MLLT3: variants seen among roughly 807,000 people sequenced by gnomAD.
MLLT3 encodes the protein MLLT3 super elongation complex subunit, also known as protein AF-9.
A neutral mutation model predicts 53.2 loss-of-function variants in MLLT3; 4 were observed. The ratio of observed to expected loss-of-function variants is 0.08; its 90% confidence interval spans 0.04 to 0.17. MLLT3 has a LOEUF of 0.17. Ranked by LOEUF, MLLT3 falls within the 10% of genes least tolerant of loss-of-function variation. The probability of loss-of-function intolerance (pLI) is 1.00; values close to 1 mark genes in which losing one functional copy is unlikely to be tolerated. For missense variants in MLLT3, 569 were observed against 684.0 expected (o/e 0.83, Z 1.87); for synonymous variants, 283 against 230.6 (o/e 1.23, Z -2.06).
chr9:20,448,083 T>G lies in MLLT3; in HGVS notation c.420+40A>C. The G allele has an allele frequency of 1.3e-6, 2 of 1,577,624 alleles. No individual in the cohort carries two copies. The highest frequency in any genetic ancestry group is 1.7e-6 in the Non-Finnish European group (2 of 1,166,324). ...TTGTTTTTTTTTTTGTTGTTGTTGT[T>G]TTTTAATAGGAATGCTTTTCACAAG... On this transcript the variant is annotated intron_variant, in intron 4 of 10. Transcript: ENST00000380338. The surrounding 1 kb of genome is among the most constrained non-coding windows in gnomAD (Gnocchi z 4.0).
intron 2 of MLLT3, among the ~76,000 whole-genome samples, chr9:20,507,150 C>G (rs1292113731): frequency 6.6e-6 from 1 of 152,166 alleles, no homozygotes; most frequent in African/African-American, 2.4e-5. Context: ...CTTAAAACAT[C>G]ACTTTAGCAG....
chr9:20,618,655 G>A (rs1820901071), intron 2 of MLLT3, among the ~76,000 whole-genome samples: 1 of 152,214 alleles, frequency 6.6e-6, no homozygotes, highest in Admixed American at 6.5e-5. Flanking sequence ...AGAGACCTCT[G>A]AGAAGTCATC....
intron 2 of MLLT3, among the ~76,000 whole-genome samples, chr9:20,562,792 A>G (rs528961277): frequency 1.3e-5 from 2 of 152,324 alleles, no homozygotes; most frequent in South Asian, 2.1e-4. Context: ...TGGTAAGACC[A>G]GAAAAATGAA....
chr9:20,494,400 AT>A (rs1285496019), intron 2 of MLLT3, among the ~76,000 whole-genome samples: 1 of 152,154 alleles, frequency 6.6e-6, no homozygotes, highest in African/African-American at 2.4e-5. Flanking sequence ...TTAATCATCA[AT>A]TTCACTATAA....
At chr9:20,583,529 A>C (rs1819862703) in intron 2 of MLLT3, among the ~76,000 whole-genome samples, 1 of 152,178 alleles carries the variant, frequency 6.6e-6, no homozygotes, top group Non-Finnish European at 1.5e-5. Context: ...CCACCCCTGC[A>C]GCAAATTTTT....
chr9:20,571,345 T>C (rs542574656), intron 2 of MLLT3, among the ~76,000 whole-genome samples: 3 of 152,252 alleles, frequency 2.0e-5, no homozygotes, highest in South Asian at 2.1e-4. Context: ...GACCTATTAA[T>C]AGGAGAAAAT....
chr9:20,496,665 C>T (rs993125708), intron 2 of MLLT3, among the ~76,000 whole-genome samples: 2 of 152,098 alleles, frequency 1.3e-5, no homozygotes, highest in African/African-American at 2.4e-5. Context: ...TAGGATCTTC[C>T]AGTATGGTTC....
intron 4 of MLLT3, among the ~76,000 whole-genome samples, chr9:20,446,519 A>G (rs191100342): frequency 6.6e-6 from 1 of 152,306 alleles, no homozygotes; most frequent in Admixed American, 6.5e-5. Flanking sequence ...TTCTTGTGTC[A>G]TATTTACGTT....
At chr9:20,515,803 T>C (rs1005074950) in intron 2 of MLLT3, among the ~76,000 whole-genome samples, 5 of 152,180 alleles carry the variant, frequency 3.3e-5, no homozygotes, top group Admixed American at 1.3e-4. Flanking sequence ...GATCTCCCCA[T>C]TGACCTTATC....
intron 8 of MLLT3, 44 bp downstream of exon 8, chr9:20,360,698 C>A (rs1215225916): frequency 6.8e-7 from 1 of 1,465,576 alleles, no homozygotes; most frequent in Admixed American, 1.7e-5. Context: ...AATGATTACA[C>A]CTAGCTCTGC....
chr9:20,595,041 T>C (rs1820222102), intron 2 of MLLT3, among the ~76,000 whole-genome samples: 1 of 151,952 alleles, frequency 6.6e-6, no homozygotes, highest in Non-Finnish European at 1.5e-5. Flanking sequence ...TAAACTTACT[T>C]TCACTTAAAA....
intron 2 of MLLT3, among the ~76,000 whole-genome samples, chr9:20,534,161 T>C (rs748594024): frequency 1.1e-4 from 17 of 152,228 alleles, no homozygotes; most frequent in Non-Finnish European, 2.1e-4. Context: ...AATAGGGATA[T>C]TTCGAAAGAG....
Position 20,346,440 on chromosome 9 carries a change from T to A in MLLT3, c.*3A>T, listed in dbSNP as rs753248593. 6.2e-7 allele frequency: 1 copy of A among 1,601,752 alleles called. No individual in the cohort carries two copies. The highest frequency in any genetic ancestry group is 1.1e-5 in the South Asian group (1 of 89,140). On this transcript the variant is annotated 3_prime_UTR_variant, in exon 11 of 11. Coordinates refer to ENST00000380338, the MANE Select transcript of MLLT3 (RefSeq NM_004529.4). ...GTTCTTGATGCATCCAGTTGTTATA[T>A]CCTCAGGATGTTCCAGATGTTTCCA...
At chr9:20,486,025 T>C (rs917634251) in intron 2 of MLLT3, among the ~76,000 whole-genome samples, 1 of 152,170 alleles carries the variant, frequency 6.6e-6, no homozygotes, top group South Asian at 2.1e-4. Context: ...GATGCATGTA[T>C]TGTATTATTT....
At chr9:20,594,234 C>T (rs773277280) in intron 2 of MLLT3, among the ~76,000 whole-genome samples, 4 of 152,112 alleles carry the variant, frequency 2.6e-5, no homozygotes, top group Non-Finnish European at 4.4e-5. Flanking sequence ...AGACACCGTG[C>T]CCAACCAATG....
intron 5 of MLLT3, among the ~76,000 whole-genome samples, chr9:20,401,989 AAAAAAT>A (rs1318778870): frequency 6.6e-6 from 1 of 152,132 alleles, no homozygotes; most frequent in Non-Finnish European, 1.5e-5. Context: ...AAGAAGATGT[AAAAAAT>A]ATATTGGTAA....
intron 2 of MLLT3, among the ~76,000 whole-genome samples, chr9:20,484,369 C>A (rs1434126584): frequency 2.6e-5 from 4 of 152,142 alleles, no homozygotes; most frequent in African/African-American, 9.7e-5. Flanking sequence ...TCTGACAGAA[C>A]AATTGTTCTA....
intron 2 of MLLT3, among the ~76,000 whole-genome samples, chr9:20,543,869 G>C (rs1818711452): frequency 1.3e-5 from 2 of 152,186 alleles, no homozygotes; most frequent in African/African-American, 4.8e-5. Flanking sequence ...CAATAGACTT[G>C]CTTGATGCAA....
At chr9:20,531,198 C>T (rs1049746956) in intron 2 of MLLT3, among the ~76,000 whole-genome samples, 8 of 149,110 alleles carry the variant, frequency 5.4e-5, no homozygotes, top group African/African-American at 1.7e-4. Flanking sequence ...TGTAATGGCG[C>T]GATCTCGGCT....
Sources: allele counts gnomAD v4.1 joint callset (sites outside exome capture counted in the v4.1 genomes callset), GRCh38; gene constraint gnomAD v4.1.1; non-coding constraint Gnocchi (gnomAD v3.1); transcripts MANE v1.5; gene names NCBI Gene and HGNC (gene_info 2026-07-23, HGNC 2026-07-21).